Variants in CMSS1 observed in about 807,000 individuals in gnomAD.
CMSS1 encodes the protein protein CMSS1.
A neutral mutation model predicts 43.5 loss-of-function variants in CMSS1; 33 were observed. The observed-to-expected ratio is 0.76, with a 90% CI of 0.57 to 1.01. The LOEUF (loss-of-function observed/expected upper bound fraction) is 1.01. Among genes scored for constraint, CMSS1 ranks in the 50% least tolerant of loss-of-function variants. The probability of loss-of-function intolerance (pLI) is 0.00; values close to 1 mark genes in which losing one functional copy is unlikely to be tolerated. For missense variants in CMSS1, 313 were observed against 326.4 expected, an observed-to-expected ratio of 0.96 and a Z score of 0.32; for synonymous variants, 115 against 117.2, an observed-to-expected ratio of 0.98 and a Z score of 0.12.
chr3:100,074,150 G>A (rs1415867104), intron 1 of CMSS1, among the ~76,000 whole-genome samples: 2 of 152,122 alleles, frequency 1.3e-5, no homozygotes, highest in Non-Finnish European at 2.9e-5. Flanking sequence ...GAGCTGATAC[G>A]CTGTTGTCAT....
intron 1 of CMSS1, among the ~76,000 whole-genome samples, chr3:100,091,384 T>C (rs1422126644): frequency 6.6e-6 from 1 of 152,214 alleles, no homozygotes. Context: ...AACAAAATGT[T>C]TTAATAAATG....
chr3:100,158,553 A>T (rs1202553294), intron 2 of CMSS1, among the ~76,000 whole-genome samples: 2 of 152,228 alleles, frequency 1.3e-5, no homozygotes, highest in Admixed American at 1.3e-4. Context: ...AATTGACCCC[A>T]TAAAATTGGC....
chr3:99,885,734 CCTT>C (rs1475125248), intron 1 of CMSS1, among the ~76,000 whole-genome samples: 2 of 152,070 alleles, frequency 1.3e-5, no homozygotes, highest in African/African-American at 4.8e-5. Flanking sequence ...TATCTTTCTC[CCTT>C]CTTCTTCCCT....
chr3:99,901,882 G>T (rs777382395), intron 1 of CMSS1, among the ~76,000 whole-genome samples: 1 of 152,072 alleles, frequency 6.6e-6, no homozygotes, highest in Non-Finnish European at 1.5e-5. Flanking sequence ...GGTACCACCT[G>T]CCTTGTCCCT....
At chr3:99,904,799 T>A (rs182353923) in intron 1 of CMSS1, among the ~76,000 whole-genome samples, 9 of 152,298 alleles carry the variant, frequency 5.9e-5, no homozygotes. Context: ...CAATCTCAGT[T>A]GGCTTTTCCC....
At chr3:99,822,537 C>A (rs1342716273) in intron 1 of CMSS1, among the ~76,000 whole-genome samples, 1 of 152,150 alleles carries the variant, frequency 6.6e-6, no homozygotes, top group African/African-American at 2.4e-5. Flanking sequence ...TTGAGAACAG[C>A]CTGGCCAATG....
chr3:100,176,333 T>C lies in CMSS1; in HGVS notation c.674T>C (p.Leu225Pro). Residue 225 changes from leucine (L) to proline (P), a missense_variant, in exon 9 of 10, where the codon CTT becomes CCT. Transcript: ENST00000421999. ...CTCTTCCTGTCTCTTTCAGGTGGCC[T>C]TAATTTGAGCCCCTTAAAATTTCTG... ...RIKELVKQGG[L>P]NLSPLKFLVF... 6.2e-7 allele frequency: 1 copy of C among 1,610,918 alleles called. No individual in the cohort carries two copies.
At chr3:99,914,507 C>A (rs781020969) in intron 1 of CMSS1, among the ~76,000 whole-genome samples, 1 of 152,106 alleles carries the variant, frequency 6.6e-6, no homozygotes, top group African/African-American at 2.4e-5. Flanking sequence ...ATGTCATTAA[C>A]ATTCACTTTA....
chr3:100,012,415 C>A (rs955754122), intron 1 of CMSS1, among the ~76,000 whole-genome samples: 1 of 152,006 alleles, frequency 6.6e-6, no homozygotes, highest in Non-Finnish European at 1.5e-5. Flanking sequence ...TTGTATTTTT[C>A]AAAAAATTGA....
rs118148655 is a variant in CMSS1 at position 99,938,107 on chromosome 3, G to T, written c.64+120064G>T. Among the ~76,000 whole-genome samples, 204 of 152,230 alleles carry T rather than the reference G, an allele frequency of 1.3e-3. 5 individuals are homozygous for T. The East Asian group carries it at 0.032, about 24-fold the overall frequency. ...CGCGCGCGCGTGCATGCACACTCGT[G>T]CTGGGTGGGGAAGAAATGTTAGATC... On this transcript the variant is annotated intron_variant, in intron 1 of 9. Coordinates refer to ENST00000421999, the MANE Select transcript of CMSS1 (RefSeq NM_032359.4).
chr3:99,824,291 G>A (rs979745653), intron 1 of CMSS1, among the ~76,000 whole-genome samples: 3 of 152,116 alleles, frequency 2.0e-5, no homozygotes, highest in South Asian at 2.1e-4. Flanking sequence ...TCCTGATCAG[G>A]CAGTCTAGAG....
intron 1 of CMSS1, among the ~76,000 whole-genome samples, chr3:99,979,039 A>G (rs554444457): frequency 1.3e-4 from 20 of 152,272 alleles, no homozygotes; most frequent in Admixed American, 2.0e-4. Flanking sequence ...TAGGGCGACT[A>G]GAGGGTGTAG....
intron 1 of CMSS1, among the ~76,000 whole-genome samples, chr3:100,001,207 A>G (rs2107165115): frequency 6.6e-6 from 1 of 152,350 alleles, no homozygotes; most frequent in South Asian, 2.1e-4. Flanking sequence ...CAGTTCACCT[A>G]TTTAATAGTA....
At chr3:100,105,433 A>T (rs1391296305) in intron 1 of CMSS1, among the ~76,000 whole-genome samples, 1 of 152,214 alleles carries the variant, frequency 6.6e-6, no homozygotes, top group Admixed American at 6.5e-5. Context: ...TTCGTATCTA[A>T]CAATTTCATA....
chr3:99,887,459 G>C (rs1000657654), intron 1 of CMSS1, among the ~76,000 whole-genome samples: 6 of 152,194 alleles, frequency 3.9e-5, no homozygotes, highest in Non-Finnish European at 5.9e-5. Flanking sequence ...AATTGTGCAT[G>C]TGGTGGCTAT....
chr3:100,019,943 T>C (rs2064777682), intron 1 of CMSS1, among the ~76,000 whole-genome samples: 5 of 152,156 alleles, frequency 3.3e-5, no homozygotes, highest in Admixed American at 2.6e-4. Flanking sequence ...CAGGGGGGAA[T>C]GTGGCACAAG....
At chr3:100,150,492 A>T (rs1243619628) in intron 2 of CMSS1, among the ~76,000 whole-genome samples, 2 of 152,184 alleles carry the variant, frequency 1.3e-5, no homozygotes, top group Non-Finnish European at 2.9e-5. Flanking sequence ...CTTTAATATC[A>T]CCAGGCAAGA....
intron 1 of CMSS1, among the ~76,000 whole-genome samples, chr3:99,871,329 A>T (rs1056318325): frequency 2.0e-5 from 3 of 152,142 alleles, no homozygotes; most frequent in Non-Finnish European, 4.4e-5. Context: ...GTATCAAATA[A>T]GCAGCTTCTA....
chr3:100,100,304 G>A (rs570585891), intron 1 of CMSS1, among the ~76,000 whole-genome samples: 1 of 152,264 alleles, frequency 6.6e-6, no homozygotes, highest in South Asian at 2.1e-4. Context: ...AGGGTAAAAT[G>A]TAGTAGTCCC....
Sources: gnomAD v4.1 joint callset for allele counts (sites outside exome capture counted in the v4.1 genomes callset) on GRCh38, gnomAD v4.1.1 for gene constraint, MANE v1.5 for transcripts, NCBI Gene and HGNC (gene_info 2026-07-23, HGNC 2026-07-21) for gene names.